The following SLA variants were observed in gnomAD, a reference collection of about 807,000 sequenced individuals.
SLA encodes Src like adaptor.
In SLA, 16 loss-of-function variants were observed where a neutral mutation model predicts 30.3. That is an observed-to-expected ratio of 0.53 (90% CI 0.36 to 0.80). The LOEUF (loss-of-function observed/expected upper bound fraction) is 0.80. Among genes scored for constraint, SLA ranks in the 30% least tolerant of loss-of-function variants. The probability of loss-of-function intolerance (pLI) is 0.01; values close to 1 mark genes in which losing one functional copy is unlikely to be tolerated. For missense variants in SLA, 310 were observed against 345.2 expected (o/e 0.90, Z 0.81); for synonymous variants, 143 against 137.8 (o/e 1.04, Z -0.26).
intron 1 of SLA, among the ~76,000 whole-genome samples, chr8:133,099,921 T>C (rs1200530109): frequency 6.6e-6 from 1 of 152,210 alleles, no homozygotes; most frequent in Non-Finnish European, 1.5e-5. Flanking sequence ...TTGCCTCTTA[T>C]AATCTATGAG....
rs1233746495 is a variant in SLA at position 133,042,731 on chromosome 8, C to CCA, written c.484+2251_484+2252dup. ...TTTTGTGAGATGGAGTCTTGCTCTG[C>CCA]CACACAAGCTGGAGTACAGCAGCAC... On this transcript the variant is annotated intron_variant, in intron 7 of 8. Transcript: ENST00000338087. Among the ~76,000 whole-genome samples, 6 of 117,256 alleles carry CCA rather than the reference C, an allele frequency of 5.1e-5. No homozygotes were observed. In the East Asian group the frequency reaches 1.8e-3, roughly 35 times the overall value. The allele number at this position is 117,256 out of a possible 152,430, so 76.9% of individuals were successfully genotyped here.
At position 133,036,806 on chromosome 8, in the gene SLA, T is replaced by G. The variant is rs1300820838; in HGVS notation, c.*1718A>C. On this transcript the variant is annotated 3_prime_UTR_variant, in exon 9 of 9. Coordinates refer to ENST00000338087, the MANE Select transcript of SLA (RefSeq NM_001045556.3). The stretch of plus-strand genomic sequence containing the variant: ...TTTAGCAAAGTGTAATGCTTCCCAC[T>G]GAGAAATCCCTCTGGGTGCTCCCCA... 6.6e-6 allele frequency: 1 copy of G among 152,656 alleles called. No homozygotes were observed. Among genetic ancestry groups the G allele is most frequent in the Non-Finnish European group, 1.5e-5 (1 of 68,048 alleles). The allele number at this position is 152,656 out of a possible 1,614,324, so 9.5% of individuals were successfully genotyped here. A position where few individuals can be genotyped will look rare whatever the true frequency, so the allele number is the denominator to read the frequency against.
intron 1 of SLA, among the ~76,000 whole-genome samples, chr8:133,077,429 C>G (rs1413468676): frequency 6.6e-6 from 1 of 152,140 alleles, no homozygotes; most frequent in Admixed American, 6.5e-5. Context: ...GCTAACCTCC[C>G]CTGACCCCCA....
intron 4 of SLA, chr8:133,050,551 T>C (rs1214722684): frequency 5.2e-6 from 2 of 383,782 alleles, no homozygotes; most frequent in Middle Eastern, 7.1e-4. Flanking sequence ...AAGAAGAATA[T>C]GAGAAGAGGC....
intron 1 of SLA, among the ~76,000 whole-genome samples, chr8:133,077,632 T>G (rs1845096887): frequency 6.6e-6 from 1 of 152,170 alleles, no homozygotes; most frequent in African/African-American, 2.4e-5. Flanking sequence ...GATGCCACGC[T>G]AGACAGGTGA....
chr8:133,092,265 G>T (rs1271219800), intron 1 of SLA, among the ~76,000 whole-genome samples: 3 of 152,210 alleles, frequency 2.0e-5, no homozygotes, highest in African/African-American at 7.2e-5. Flanking sequence ...CAACTACAGT[G>T]ACTAACTGAG....
chr8:133,043,717 G>C (rs1329194864), intron 7 of SLA, among the ~76,000 whole-genome samples: 1 of 152,124 alleles, frequency 6.6e-6, no homozygotes, highest in Non-Finnish European at 1.5e-5. Flanking sequence ...CTTCTCGTGG[G>C]CCAGCTGTGA....
chr8:133,081,972 T>G (rs1211196212), intron 1 of SLA, among the ~76,000 whole-genome samples: 3 of 152,220 alleles, frequency 2.0e-5, no homozygotes, highest in Admixed American at 1.3e-4. Flanking sequence ...CAAAGAGGGC[T>G]GTAGCCAGGA....
chr8:133,067,528 C>A (rs1272547946), intron 2 of SLA, among the ~76,000 whole-genome samples: 1 of 152,250 alleles, frequency 6.6e-6, no homozygotes, highest in South Asian at 2.1e-4. Context: ...GGAATCCCAG[C>A]ATGTTGGGAG....
intron 1 of SLA, among the ~76,000 whole-genome samples, chr8:133,099,796 T>A (rs749905060): frequency 6.6e-6 from 1 of 152,188 alleles, no homozygotes; most frequent in Non-Finnish European, 1.5e-5. Flanking sequence ...GGCTGTATTT[T>A]CCAAATGTAT....
At chr8:133,092,610 C>T (rs1350693901) in intron 1 of SLA, among the ~76,000 whole-genome samples, 4 of 152,196 alleles carry the variant, frequency 2.6e-5, no homozygotes. Flanking sequence ...AACCCTATAA[C>T]GTATGGTTGA....
chr8:133,049,977 C>A lies in SLA; in HGVS notation c.173G>T (p.Trp58Leu). 6.2e-7 allele frequency: 1 copy of A among 1,611,526 alleles called. No homozygotes were observed. ...AGTGCTAAGAGAAATAGCTTTCCAC[C>A]AGCCCCCTTCACTGTAAGAACAAGA... ...KLRVISDEGG[W>L]WKAISLSTGR... The change falls in exon 5 of 9, where the codon TGG (tryptophan) becomes TTG (leucine). Residue 58 changes from tryptophan to leucine, a missense_variant. Coordinates refer to ENST00000338087, the MANE Select transcript of SLA (RefSeq NM_001045556.3).
chr8:133,100,878 A>C (rs2958670), intron 1 of SLA, among the ~76,000 whole-genome samples: 47,890 of 152,074 alleles, frequency 0.31, 8,185 homozygotes, highest in African/African-American at 0.44. Flanking sequence ...GGTTAGCCTA[A>C]GTGAAGTAAC....
intron 2 of SLA, among the ~76,000 whole-genome samples, chr8:133,062,666 C>T (rs569554127): frequency 2.0e-5 from 3 of 150,516 alleles, no homozygotes; most frequent in Admixed American, 1.3e-4. Context: ...ATGCAGAGGC[C>T]GCTCTGCACA....
Position 133,038,666 on chromosome 8 carries a change from C to T in SLA, c.689G>A (p.Arg230Gln), listed in dbSNP as rs756835209. The T allele has an allele frequency of 1.1e-5, 18 of 1,614,002 alleles. No individual in the cohort carries two copies. Among genetic ancestry groups the T allele is most frequent in the East Asian group, 6.7e-5 (3 of 44,856 alleles). Residue 230 changes from arginine (R) to glutamine (Q), a missense_variant, in exon 9 of 9, where the codon CGA becomes CAA. Transcript: ENST00000338087. Reference sequence around the variant, plus strand: ...GGACAGGTAAGAGGCAATGCTCTCTCGAAGGCCATAGCTGAAAAGGGACTC... The same window carrying T: ...GGACAGGTAAGAGGCAATGCTCTCTTGAAGGCCATAGCTGAAAAGGGACTC... ...VDESLFSYGL[R>Q]ESIASYLSLT... is the part of the protein sequence containing the mutation.
At chr8:133,081,854 C>A (rs1032366094) in intron 1 of SLA, among the ~76,000 whole-genome samples, 13 of 152,346 alleles carry the variant, frequency 8.5e-5, no homozygotes, top group Admixed American at 7.8e-4. Flanking sequence ...TGTAGCTGCA[C>A]TCCTGTGTAA....
chr8:133,092,722 A>G (rs750345753), intron 1 of SLA, among the ~76,000 whole-genome samples: 2 of 151,970 alleles, frequency 1.3e-5, no homozygotes, highest in Non-Finnish European at 2.9e-5. Context: ...CATGCTCTCT[A>G]CACACCTCTG....
chr8:133,073,782 C>G (rs754486374), intron 2 of SLA, among the ~76,000 whole-genome samples: 64 of 152,240 alleles, frequency 4.2e-4, no homozygotes, highest in Non-Finnish European at 8.2e-4. Context: ...TGAGGCTCCC[C>G]CAACCCTTTA....
At chr8:133,097,689 A>G (rs1848632394) in intron 1 of SLA, among the ~76,000 whole-genome samples, 3 of 152,258 alleles carry the variant, frequency 2.0e-5, no homozygotes, top group African/African-American at 7.2e-5. Flanking sequence ...AAAGATTCAC[A>G]ACATGCAATT....
Sources: allele counts gnomAD v4.1 joint callset (sites outside exome capture counted in the v4.1 genomes callset), GRCh38; gene constraint gnomAD v4.1.1; transcripts MANE v1.5; gene names NCBI Gene and HGNC (gene_info 2026-07-23, HGNC 2026-07-21).